The following MCF2L variants were observed in gnomAD, a reference collection of about 807,000 sequenced individuals.
MCF2L encodes MCF.2 cell line derived transforming sequence like.
A neutral mutation model predicts 153.4 loss-of-function variants in MCF2L; 97 were observed. The ratio of observed to expected loss-of-function variants is 0.63; its 90% CI spans 0.54 to 0.75. The LOEUF (loss-of-function observed/expected upper bound fraction) is 0.75. MCF2L is among the 30% of genes least tolerant of loss of function. The pLI is 0.00. For missense variants in MCF2L, 1,347 were observed against 1,495.2 expected (o/e 0.90, Z 1.64); for synonymous variants, 659 against 632.2 (o/e 1.04, Z -0.64).
At position 113,077,116 on chromosome 13, in the gene MCF2L, C is replaced by T; in HGVS notation, c.1565C>T (p.Ala522Val). The T allele has an allele frequency of 1.2e-6, 2 of 1,612,824 alleles. No homozygotes were observed. The highest frequency in any genetic ancestry group is 1.7e-6 in the Non-Finnish European group (2 of 1,179,856). ...GAGGAGGTGTTCCACCGCAGGCAGGCCAGCCTGAAGAAGCTGGCGGCCAGG... is the reference window on the plus strand; with the variant it reads ...GAGGAGGTGTTCCACCGCAGGCAGGTCAGCCTGAAGAAGCTGGCGGCCAGG... ...SMEEVFHRRQ[A>V]SLKKLAARQT... Residue 522 changes from alanine (A) to valine (V), a missense_variant, in exon 13 of 30, where the codon GCC (alanine) becomes GTC (valine). This residue lies in a region of MCF2L where 820 missense variants were observed against 921.2 expected (regional missense o/e 0.89). Transcript: ENST00000535094.
intron 5 of MCF2L, among the ~76,000 whole-genome samples, chr13:113,061,465 C>T (rs1230336179): frequency 2.0e-5 from 3 of 152,102 alleles, no homozygotes; most frequent in South Asian, 2.1e-4. Flanking sequence ...CACCAGGCAC[C>T]GCAGAGCACC....
At chr13:112,963,022 A>G (rs1031054982) in intron 2 of MCF2L, among the ~76,000 whole-genome samples, 1 of 152,006 alleles carries the variant, frequency 6.6e-6, no homozygotes, top group Admixed American at 6.5e-5. Flanking sequence ...GTGGGTGAGA[A>G]CCTGTCTGGG....
chr13:112,900,616 G>A (rs1464318941), intron 1 of MCF2L, among the ~76,000 whole-genome samples: 1 of 152,124 alleles, frequency 6.6e-6, no homozygotes, highest in Non-Finnish European at 1.5e-5. Flanking sequence ...TCAAGGCTGT[G>A]GAGCTTGTGT....
intron 2 of MCF2L, among the ~76,000 whole-genome samples, chr13:112,910,822 C>A (rs993539141): frequency 6.6e-6 from 1 of 152,260 alleles, no homozygotes; most frequent in Non-Finnish European, 1.5e-5. Flanking sequence ...GCTGTCTCGC[C>A]GGGACTGTGC....
At chr13:113,005,875 C>G (rs916220296) in intron 1 of MCF2L, among the ~76,000 whole-genome samples, 3 of 152,190 alleles carry the variant, frequency 2.0e-5, no homozygotes, top group African/African-American at 7.2e-5. Flanking sequence ...CTCAATATAG[C>G]TGGAAAAAAT....
intron 2 of MCF2L, among the ~76,000 whole-genome samples, chr13:112,949,976 C>A: frequency 6.8e-6 from 1 of 147,396 alleles, no homozygotes. Flanking sequence ...ATGACATGAT[C>A]ATCTGATTAT....
rs377733844 is a variant in MCF2L, at chr13:113,077,147, G to A, written c.1596G>A (p.Thr532=). The change falls in exon 13 of 30, where the codon ACG becomes ACA. Residue 532 remains threonine (T), a synonymous_variant. Coordinates refer to ENST00000535094, the MANE Select transcript of MCF2L (RefSeq NM_001112732.3). ...ASLKKLAARQ[T]RPVQPVAPRP... ...TGAAGAAGCTGGCGGCCAGGCAGAC[G>A]CGGCCCGTGCAGCCGGTGGCCCCCA... 1.2e-5 allele frequency: 19 copies of A among 1,611,808 alleles called. No homozygotes were observed. The highest frequency in any genetic ancestry group is 1.0e-4 in the Admixed American group (6 of 59,914).
intron 1 of MCF2L, among the ~76,000 whole-genome samples, chr13:112,987,798 C>T (rs1273352060): frequency 6.6e-6 from 1 of 152,212 alleles, no homozygotes; most frequent in Non-Finnish European, 1.5e-5. Flanking sequence ...TGGGAAGTAC[C>T]CATGAGCACC....
intron 2 of MCF2L, among the ~76,000 whole-genome samples, chr13:112,915,332 C>T (rs909652996): frequency 6.9e-6 from 1 of 144,478 alleles, no homozygotes; most frequent in African/African-American, 2.6e-5. Context: ...TCGCTTGAAC[C>T]CGGGAAGCGG....
At chr13:113,003,807 G>A (rs1475375714) in intron 1 of MCF2L, among the ~76,000 whole-genome samples, 1 of 152,196 alleles carries the variant, frequency 6.6e-6, no homozygotes, top group Non-Finnish European at 1.5e-5. Flanking sequence ...CCTCACTCCT[G>A]CAGAGGCCTA....
intron 2 of MCF2L, among the ~76,000 whole-genome samples, chr13:112,962,409 C>T (rs1320082522): frequency 1.3e-5 from 2 of 152,222 alleles, no homozygotes; most frequent in Non-Finnish European, 2.9e-5. Flanking sequence ...CCTGCATGTG[C>T]TGGTGGGTTG....
chr13:113,050,153 AGTGT>A (rs1199587013), intron 4 of MCF2L, among the ~76,000 whole-genome samples: 3 of 151,498 alleles, frequency 2.0e-5, no homozygotes, highest in African/African-American at 7.3e-5. Context: ...TGCATGTGTG[AGTGT>A]GTGAGTGTGA....
chr13:113,063,747 C>T (rs2031927737), intron 5 of MCF2L: 1 of 429,092 alleles, frequency 2.3e-6, no homozygotes, highest in Non-Finnish European at 4.7e-6. Context: ...CACTGTTCTC[C>T]CTCATGTCTC....
At chr13:113,085,523 G>C (rs1389541398) in intron 20 of MCF2L, among the ~76,000 whole-genome samples, 3 of 152,190 alleles carry the variant, frequency 2.0e-5, no homozygotes, top group Non-Finnish European at 4.4e-5. Context: ...GGGGATTCCA[G>C]CTATGAGTTT....
intron 1 of MCF2L, among the ~76,000 whole-genome samples, chr13:112,898,349 G>A (rs2081087791): frequency 6.6e-6 from 1 of 152,206 alleles, no homozygotes; most frequent in Non-Finnish European, 1.5e-5. Flanking sequence ...TGCGGGGCGT[G>A]AGGTGGGCGC....
At chr13:113,078,855 T>C (rs895499268) in intron 15 of MCF2L, 116 bp downstream of exon 15, 10 of 975,066 alleles carry the variant, frequency 1.0e-5, no homozygotes, top group South Asian at 9.5e-5. Flanking sequence ...GCAGAAGTCA[T>C]TGTGGTTCTT....
intron 1 of MCF2L, among the ~76,000 whole-genome samples, chr13:113,000,706 C>A (rs2083329572): frequency 6.6e-6 from 1 of 152,226 alleles, no homozygotes; most frequent in African/African-American, 2.4e-5. Flanking sequence ...CCCCCAGAAG[C>A]CGGTGTTCCC....
At chr13:112,967,058 C>T (rs1439691444), upstream of MCF2L, among the ~76,000 whole-genome samples, 2 of 151,876 alleles carry the variant, frequency 1.3e-5, no homozygotes, top group Non-Finnish European at 2.9e-5. Context: ...GGCCTAGGGC[C>T]GTGTGGGCTG....
At chr13:112,916,218 C>T (rs2081290908) in intron 2 of MCF2L, among the ~76,000 whole-genome samples, 4 of 147,774 alleles carry the variant, frequency 2.7e-5, no homozygotes, top group Admixed American at 2.7e-4. Flanking sequence ...CGACTTTTCC[C>T]CTTTCATTTC....
Sources: gnomAD v4.1 joint callset for allele counts (sites outside exome capture counted in the v4.1 genomes callset) on GRCh38, gnomAD v4.1.1 for gene constraint, gnomAD v4.1.1 regional missense constraint, MANE v1.5 for transcripts, NCBI Gene and HGNC (gene_info 2026-07-23, HGNC 2026-07-21) for gene names.